TRPC4: variants seen among roughly 807,000 people sequenced by gnomAD.
TRPC4 encodes transient receptor potential cation channel subfamily C member 4.
A neutral mutation model predicts 99.4 loss-of-function variants in TRPC4; 49 were observed. The observed-to-expected ratio is 0.49, with a 90% CI of 0.39 to 0.63. TRPC4 has a LOEUF of 0.63. Ranked by LOEUF, TRPC4 falls within the 20% of genes least tolerant of loss-of-function variation. The pLI, the probability that TRPC4 is intolerant of heterozygous loss-of-function variation, is 0.00. For synonymous variants in TRPC4, 454 were observed against 425.9 expected (o/e 1.07, Z -0.81); for missense variants, 898 against 1,152.9 (o/e 0.78, Z 3.20).
At position 37,637,111 on chromosome 13, in the gene TRPC4, A is replaced by G. The variant is rs377352848; in HGVS notation, c.2726T>C (p.Val909Ala). The change falls in exon 11 of 11, where the codon GTA becomes GCA. Residue 909 changes from valine (V) to alanine (A), a missense_variant. By Grantham distance (64) the Val-to-Ala change is moderately conservative. Around this residue, in one of 3 missense-constraint regions of TRPC4, gnomAD observed 346 missense variants for 351.4 expected, o/e 0.98. Transcript: ENST00000379705. ...IPGLSEQCVL[V>A]DHRERNTDTL... Reference sequence around the variant, plus strand: ...GTCCGTATTCCTTTCTCTATGGTCTACTAACACACATTGTTCACTGAGACC... The same window carrying G: ...GTCCGTATTCCTTTCTCTATGGTCTGCTAACACACATTGTTCACTGAGACC... 1.2e-6 allele frequency: 2 copies of G among 1,613,742 alleles called. No individual in the cohort carries two copies. Among genetic ancestry groups the G allele is most frequent in the Non-Finnish European group, 1.7e-6 (2 of 1,179,820 alleles).
At chr13:37,784,775 T>C (rs1415224974) in intron 1 of TRPC4, among the ~76,000 whole-genome samples, 1 of 152,054 alleles carries the variant, frequency 6.6e-6, no homozygotes, top group East Asian at 1.9e-4. Flanking sequence ...TTTGGGAAAT[T>C]TTACATTGTT....
At position 37,639,377 on chromosome 13, in the gene TRPC4, A is replaced by T. The variant is rs563330142; in HGVS notation, c.2080-78T>A. The stretch of plus-strand genomic sequence containing the variant: ...AAAAAATAATTTATTTTTTTAATCG[A>T]TAATGTTTTTATTCTTATTTCTTCA... On this transcript the variant is annotated intron_variant, in intron 8 of 10. Transcript: ENST00000379705. 37 of 1,437,042 alleles carry T rather than the reference A, an allele frequency of 2.6e-5. No individual in the cohort carries two copies. In the East Asian group the frequency reaches 9.1e-4, roughly 35 times the overall value. The allele number at this position is 1,437,042 out of a possible 1,614,324, so 89.0% of individuals were successfully genotyped here.
At chr13:37,793,565 T>G (rs1957173588) in intron 1 of TRPC4, among the ~76,000 whole-genome samples, 1 of 151,486 alleles carries the variant, frequency 6.6e-6, no homozygotes, top group African/African-American at 2.4e-5. Context: ...GAAAAACCAC[T>G]AAGATTCCAA....
intron 1 of TRPC4, among the ~76,000 whole-genome samples, chr13:37,810,647 A>G (rs1004626327): frequency 6.6e-6 from 1 of 152,126 alleles, no homozygotes; most frequent in Admixed American, 6.6e-5. Flanking sequence ...GATTTTAAAG[A>G]ATAAGTGACA....
intron 3 of TRPC4, among the ~76,000 whole-genome samples, chr13:37,716,921 AAGAG>A (rs1189909599): frequency 1.3e-5 from 2 of 151,916 alleles, no homozygotes; most frequent in Non-Finnish European, 2.9e-5. Flanking sequence ...ATAGGAGACT[AAGAG>A]AGAAGTCTGG....
chr13:37,812,197 C>CAAAAAAAAAAAAAAAAAAAAAAAA (rs1156963631), intron 1 of TRPC4, among the ~76,000 whole-genome samples: 43 of 111,164 alleles, frequency 3.9e-4, no homozygotes, highest in African/African-American at 9.7e-4. Context: ...AAAAAAAAAC[C>CAAAAAAAAAAAAAAAAAAAAAAAA]AGGAGATCTA....
intron 1 of TRPC4, among the ~76,000 whole-genome samples, chr13:37,817,732 G>T (rs1957899704): frequency 6.6e-6 from 1 of 151,734 alleles, no homozygotes; most frequent in Non-Finnish European, 1.5e-5. Context: ...AAAAAAGGCT[G>T]CACACCTACA....
intron 3 of TRPC4, among the ~76,000 whole-genome samples, chr13:37,716,938 G>A (rs1954691002): frequency 6.6e-6 from 1 of 150,420 alleles, no homozygotes; most frequent in Non-Finnish European, 1.5e-5. Flanking sequence ...AAGTCTGGTG[G>A]GGACGGTGGT....
intron 1 of TRPC4, among the ~76,000 whole-genome samples, chr13:37,793,472 C>T (rs1957172173): frequency 6.8e-6 from 1 of 147,354 alleles, no homozygotes; most frequent in Admixed American, 6.8e-5. Context: ...GTACTACAAC[C>T]TAACACACAA....
chr13:37,715,067 C>T (rs1199759852), intron 3 of TRPC4, among the ~76,000 whole-genome samples: 2 of 152,206 alleles, frequency 1.3e-5, no homozygotes, highest in African/African-American at 4.8e-5. Context: ...TATTGCACCT[C>T]TCCTAGAATA....
At chr13:37,744,024 A>G (rs2025403) in intron 3 of TRPC4, among the ~76,000 whole-genome samples, 56,501 of 152,100 alleles carry the variant, frequency 0.37, 11,989 homozygotes, top group Non-Finnish European at 0.49. Context: ...CTGCTTCTGC[A>G]TTCTCTGTTT....
At chr13:37,827,727 TTGTC>T (rs1417856241) in intron 1 of TRPC4, among the ~76,000 whole-genome samples, 4 of 152,170 alleles carry the variant, frequency 2.6e-5, no homozygotes. Context: ...GTCTTTTTGT[TTGTC>T]TGTGCCCTGC....
intron 5 of TRPC4, 96 bp downstream of exon 5, chr13:37,674,132 G>A: frequency 5.0e-6 from 6 of 1,206,338 alleles, no homozygotes; most frequent in Non-Finnish European, 6.6e-6. Flanking sequence ...TCCGGAAAAA[G>A]CTCTAGGTAA....
At chr13:37,672,418 A>C (rs1455137851) in intron 5 of TRPC4, among the ~76,000 whole-genome samples, 4 of 152,212 alleles carry the variant, frequency 2.6e-5, no homozygotes, top group African/African-American at 9.6e-5. Context: ...CAACTGTATC[A>C]GTATCAACTG....
chr13:37,840,946 G>T (rs954377301), intron 1 of TRPC4, among the ~76,000 whole-genome samples: 6 of 151,916 alleles, frequency 3.9e-5, no homozygotes, highest in African/African-American at 1.4e-4. Context: ...TATTATTTTT[G>T]CTATTCAAGT....
chr13:37,649,296 C>A (rs906021103), intron 8 of TRPC4, among the ~76,000 whole-genome samples: 1 of 152,072 alleles, frequency 6.6e-6, no homozygotes, highest in Non-Finnish European at 1.5e-5. Flanking sequence ...AAATATACTA[C>A]ATAACATATC....
chr13:37,753,605 G>GAGAGAGAA (rs1341710726), intron 2 of TRPC4, among the ~76,000 whole-genome samples: 6 of 114,360 alleles, frequency 5.2e-5, no homozygotes, highest in Non-Finnish European at 7.6e-5. Flanking sequence ...GAGAGAGAGA[G>GAGAGAGAA]AGAAAGAAAG....
chr13:37,674,309 A>G lies in TRPC4; in HGVS notation c.1293T>C (p.His431=), dbSNP rs1952969566. ...MWDGGLQDYI[H]DWWNLMDFVM... is the part of the protein sequence containing the mutation. The stretch of plus-strand genomic sequence containing the variant: ...CAAAGTCCATTAGATTCCACCAATC[A>G]TGGATGTAGTCCTGAAGTCCGCCAT... The change falls in exon 5 of 11, where the codon CAT becomes CAC. Residue 431 remains histidine, a synonymous_variant. Transcript: ENST00000379705. 1.9e-6 allele frequency: 3 copies of G among 1,608,806 alleles called. No homozygotes were observed. Among genetic ancestry groups the G allele is most frequent in the Non-Finnish European group, 2.5e-6 (3 of 1,178,614 alleles).
At chr13:37,811,610 C>T (rs1364976138) in intron 1 of TRPC4, among the ~76,000 whole-genome samples, 2 of 152,092 alleles carry the variant, frequency 1.3e-5, no homozygotes, top group Non-Finnish European at 2.9e-5. Context: ...ATGTTCTCGT[C>T]TAGTATTCAG....
Sources: allele counts gnomAD v4.1 joint callset (sites outside exome capture counted in the v4.1 genomes callset), GRCh38; gene constraint gnomAD v4.1.1; regional missense constraint gnomAD v4.1.1; transcripts MANE v1.5; gene names NCBI Gene and HGNC (gene_info 2026-07-23, HGNC 2026-07-21).